SMCO4: variants seen among roughly 807,000 people sequenced by gnomAD.
SMCO4 encodes single-pass membrane and coiled-coil domain-containing protein 4.
Under a neutral mutation model 3.6 loss-of-function variants are expected in SMCO4, and 4 were observed. The ratio of observed to expected loss-of-function variants is 1.11; its 90% CI spans 0.54 to 2.53. The LOEUF (loss-of-function observed/expected upper bound fraction) is 2.53, where lower values mean the gene tolerates loss of function less well. Among genes scored for constraint, SMCO4 ranks in the 30% most tolerant of loss-of-function variants. The probability of loss-of-function intolerance (pLI) is 0.02; values close to 1 mark genes in which losing one functional copy is unlikely to be tolerated. For synonymous variants in SMCO4, 36 were observed against 35.3 expected, an observed-to-expected ratio of 1.02 and a Z score of -0.07; for missense variants, 70 against 80.8, an observed-to-expected ratio of 0.87 and a Z score of 0.51.
chr11:93,524,302 A>G (rs547441317), intron 1 of SMCO4, among the ~76,000 whole-genome samples: 7 of 152,290 alleles, frequency 4.6e-5, no homozygotes, highest in African/African-American at 1.4e-4. Flanking sequence ...ATGGGACCAC[A>G]CATTCCTGAG....
intron 2 of SMCO4, among the ~76,000 whole-genome samples, chr11:93,497,618 G>A (rs1442732025): frequency 6.6e-6 from 1 of 151,844 alleles, no homozygotes; most frequent in East Asian, 1.9e-4. Context: ...CTGTTAGTTT[G>A]CCATGGCTTC....
intron 1 of SMCO4, among the ~76,000 whole-genome samples, chr11:93,525,238 T>C (rs760187377): frequency 7.9e-5 from 12 of 152,224 alleles, no homozygotes; most frequent in African/African-American, 1.4e-4. Context: ...GCACTGCTAC[T>C]TACACACTGG....
intron 1 of SMCO4, among the ~76,000 whole-genome samples, chr11:93,511,422 T>C (rs375383553): frequency 6.5e-4 from 98 of 151,798 alleles, no homozygotes; most frequent in African/African-American, 2.1e-3. Flanking sequence ...ATAACGTTGA[T>C]AAAAAGAAAA....
chr11:93,508,035 T>A (rs1237067431), intron 1 of SMCO4, among the ~76,000 whole-genome samples: 1 of 152,234 alleles, frequency 6.6e-6, no homozygotes, highest in African/African-American at 2.4e-5. Context: ...TATTGTTATA[T>A]TTAAACAAGT....
At chr11:93,504,323 G>A (rs1393685232) in intron 1 of SMCO4, among the ~76,000 whole-genome samples, 1 of 152,158 alleles carries the variant, frequency 6.6e-6, no homozygotes, top group African/African-American at 2.4e-5. Context: ...TTGAAAGCCT[G>A]TTGGTTTTCA....
intron 1 of SMCO4, among the ~76,000 whole-genome samples, chr11:93,542,558 G>C (rs982497911): frequency 6.6e-6 from 1 of 152,154 alleles, no homozygotes; most frequent in African/African-American, 2.4e-5. Context: ...AGGGGCGGTA[G>C]TCGGCCCCAG....
In SMCO4 at chr11:93,543,240, C is replaced by CCCG. The variant is rs1240200128; in HGVS notation, c.-154+33_-154+35dup. ...CGCGCCCGCCCGCCGGCTCGCCCGC[C>CCCG]CCGCCGCCGCCGCCGCCGCGCCGCT... On this transcript the variant is annotated intron_variant, in intron 1 of 2. Transcript: ENST00000298966. 79 of 146,622 alleles carry CCCG rather than the reference C, an allele frequency of 5.4e-4. 2 individuals are homozygous for CCCG. Among genetic ancestry groups the CCCG allele is most frequent in the South Asian group, 2.4e-3 (13 of 5,480 alleles). The allele number at this position is 146,622 out of a possible 1,614,324, so 9.1% of individuals were successfully genotyped here. A position where few individuals can be genotyped will look rare whatever the true frequency, so the allele number is the denominator to read the frequency against.
At chr11:93,540,042 T>C (rs1302457024) in intron 1 of SMCO4, among the ~76,000 whole-genome samples, 1 of 152,082 alleles carries the variant, frequency 6.6e-6, no homozygotes, top group Non-Finnish European at 1.5e-5. Context: ...CAAAGACCTG[T>C]CCTTTCTGGC....
chr11:93,481,791 C>G (rs574443926), intron 2 of SMCO4, among the ~76,000 whole-genome samples: 12 of 152,226 alleles, frequency 7.9e-5, no homozygotes, highest in Non-Finnish European at 1.2e-4. Flanking sequence ...GTGGCCATTT[C>G]CTTGTGGAGC....
intron 1 of SMCO4, 110 bp from the exon 2 acceptor site, chr11:93,499,458 C>G (rs1565378229): frequency 1.3e-5 from 2 of 152,196 alleles, no homozygotes; most frequent in Non-Finnish European, 2.9e-5. Flanking sequence ...TCACACGGTT[C>G]CCCTCTCCCA....
intron 2 of SMCO4, among the ~76,000 whole-genome samples, chr11:93,488,723 G>A (rs776202888): frequency 1.3e-5 from 2 of 152,124 alleles, no homozygotes; most frequent in African/African-American, 2.4e-5. Context: ...GGAGGCATGC[G>A]CCTGCAAAGC....
chr11:93,535,883 A>AG, intron 1 of SMCO4: 1 of 1,603,722 alleles, frequency 6.2e-7, no homozygotes, highest in South Asian at 1.1e-5. Flanking sequence ...CCTTTTGGCC[A>AG]CATAGCTAGG....
At chr11:93,536,868 T>C (rs1173498599) in intron 1 of SMCO4, among the ~76,000 whole-genome samples, 1 of 152,200 alleles carries the variant, frequency 6.6e-6, no homozygotes, top group Non-Finnish European at 1.5e-5. Context: ...CTGCACCAAT[T>C]TGAACAGGTT....
Position 93,478,742 on chromosome 11 carries a change from C to G in SMCO4, c.*268G>C, listed in dbSNP as rs1469948716. The G allele has an allele frequency of 1.1e-5, 8 of 757,508 alleles. No individual in the cohort carries two copies. In the East Asian group the frequency reaches 2.5e-4, roughly 24 times the overall value. 46.9% of individuals were successfully genotyped at this position (757,508 alleles called of 1,614,324 possible). On this transcript the variant is annotated 3_prime_UTR_variant, in exon 3 of 3. Coordinates refer to ENST00000298966, the MANE Select transcript of SMCO4 (RefSeq NM_020179.3). ...ACACACACACACACACACACACACA[C>G]ACACACACACATGCGCGCGCGCTTT...
In SMCO4 at chr11:93,533,583, G is replaced by A. The variant is rs372614648; in HGVS notation, c.-154+9693C>T. 8.5e-5 allele frequency among the ~76,000 whole-genome samples: 13 copies of A among 152,254 alleles called. No homozygotes were observed. In the South Asian group the frequency reaches 1.7e-3, roughly 19 times the overall value. On this transcript the variant is annotated intron_variant, in intron 1 of 2. Transcript: ENST00000298966. Reference sequence around the variant, plus strand: ...AGCCACCTCGAAATAAAGGGTAGAGGTTGCACTAGCAATCCCCTAACCCTC... The same window carrying A: ...AGCCACCTCGAAATAAAGGGTAGAGATTGCACTAGCAATCCCCTAACCCTC...
chr11:93,546,955 C>G (rs1949320046), upstream of SMCO4, among the ~76,000 whole-genome samples: 1 of 152,210 alleles, frequency 6.6e-6, no homozygotes, highest in Admixed American at 6.5e-5. Flanking sequence ...GTTCCTTCCA[C>G]TGACGTGCTC....
At chr11:93,514,408 A>ATATATATG (rs1948988443) in intron 1 of SMCO4, among the ~76,000 whole-genome samples, 1 of 28,814 alleles carries the variant, frequency 3.5e-5, no homozygotes, top group African/African-American at 1.1e-4. Flanking sequence ...ATATATATAT[A>ATATATATG]TATATATATA....
At chr11:93,537,297 GC>G (rs1195100342) in intron 1 of SMCO4, among the ~76,000 whole-genome samples, 1 of 152,174 alleles carries the variant, frequency 6.6e-6, no homozygotes, top group Admixed American at 6.5e-5. Context: ...CAGCCCTGAA[GC>G]CCACGCATTT....
At position 93,478,676 on chromosome 11, in the gene SMCO4, G is replaced by A. The variant is rs1029824470; in HGVS notation, c.*334C>T. ...ACCCAGAGGTTCCATCCCTCTTCAG[G>A]TGGAGCTACTTATCGATTTTTAGGA... On this transcript the variant is annotated 3_prime_UTR_variant, in exon 3 of 3. Transcript: ENST00000298966. The A allele has an allele frequency of 1.9e-5, 5 of 265,232 alleles. No homozygotes were observed. The East Asian group carries it at 4.2e-4, about 22-fold the overall frequency. The allele number at this position is 265,232 out of a possible 1,614,324, so 16.4% of individuals were successfully genotyped here.
Sources: gnomAD v4.1 joint callset for allele counts (sites outside exome capture counted in the v4.1 genomes callset) on GRCh38, gnomAD v4.1.1 for gene constraint, MANE v1.5 for transcripts, NCBI Gene and HGNC (gene_info 2026-07-23, HGNC 2026-07-21) for gene names.